KIAA1549: variants seen among roughly 807,000 people sequenced by gnomAD.
The protein encoded by KIAA1549 is UPF0606 protein KIAA1549.
Under a neutral mutation model 156.4 loss-of-function variants are expected in KIAA1549, and 70 were observed. That is an observed-to-expected ratio of 0.45 (90% CI 0.37 to 0.55). The LOEUF (loss-of-function observed/expected upper bound fraction) is 0.55. Among genes scored for constraint, KIAA1549 ranks in the 20% least tolerant of loss-of-function variants. The pLI is 0.00. For synonymous variants in KIAA1549, 1,103 were observed against 1,066.4 expected, an observed-to-expected ratio of 1.03 and a Z score of -0.67; for missense variants, 2,428 against 2,540.9, an observed-to-expected ratio of 0.96 and a Z score of 0.96.
At chr7:138,874,188 G>A (rs113441755) in intron 12 of KIAA1549, among the ~76,000 whole-genome samples, 3,421 of 151,222 alleles carry the variant, frequency 0.023, 128 homozygotes, top group African/African-American at 0.078. Context: ...AAAGCACAAT[G>A]GACACACAGA....
chr7:138,939,570 A>G (rs1266943040), intron 1 of KIAA1549, among the ~76,000 whole-genome samples: 1 of 152,236 alleles, frequency 6.6e-6, no homozygotes, highest in Non-Finnish European at 1.5e-5. Flanking sequence ...ACTGGTAGTT[A>G]GATCAAGAGG....
At chr7:138,966,653 T>C (rs1376793281) in intron 1 of KIAA1549, among the ~76,000 whole-genome samples, 1 of 151,930 alleles carries the variant, frequency 6.6e-6, no homozygotes, top group Non-Finnish European at 1.5e-5. Flanking sequence ...GATTAGATTG[T>C]GCTCACCCAG....
At chr7:138,849,925 T>C (rs1427855609) in intron 17 of KIAA1549, among the ~76,000 whole-genome samples, 2 of 152,222 alleles carry the variant, frequency 1.3e-5, no homozygotes, top group Admixed American at 6.5e-5. Context: ...TAGTATTCCA[T>C]TGTGTATGCG....
At chr7:138,889,593 C>T (rs758314377) in intron 10 of KIAA1549, among the ~76,000 whole-genome samples, 1 of 152,144 alleles carries the variant, frequency 6.6e-6, no homozygotes, top group Non-Finnish European at 1.5e-5. Context: ...ACTGAAGTAC[C>T]AAACTGACTG....
intron 17 of KIAA1549, among the ~76,000 whole-genome samples, chr7:138,844,874 A>ATT (rs111317307): frequency 0.013 from 1,876 of 146,886 alleles, 43 homozygotes; most frequent in African/African-American, 0.041. Flanking sequence ...CACAGCGGTA[A>ATT]TTTTTTTTTT....
intron 15 of KIAA1549, 41 bp downstream of exon 15, chr7:138,867,934 G>A (rs768871090): frequency 2.3e-5 from 37 of 1,603,054 alleles, no homozygotes; most frequent in African/African-American, 4.0e-5. Context: ...TCTAGGAGCC[G>A]CCCCACCCGA....
chr7:138,981,249 T>C lies in KIAA1549; in HGVS notation c.21A>G (p.Arg7=), dbSNP rs1200078886. The change falls in exon 1 of 20, where the codon CGA becomes CGG. Residue 7 remains arginine (R), a synonymous_variant. Coordinates refer to ENST00000422774, the MANE Select transcript of KIAA1549 (RefSeq NM_001164665.2). This position sits in a 1 kb window ranked among gnomAD's most constrained non-coding sequence, Gnocchi z 4.5. MPGARR[R]RRGAAMEGKP... The stretch of plus-strand genomic sequence containing the variant: ...TCCCCTCCATGGCCGCGCCTCGGCG[T>C]CGGCGCCGCGCCCCCGGCATTCCCG... 4.1e-6 allele frequency: 4 copies of C among 981,078 alleles called. No individual in the cohort carries two copies. Among genetic ancestry groups the C allele is most frequent in the Non-Finnish European group, 4.8e-6 (4 of 828,860 alleles). The allele number at this position is 981,078 out of a possible 1,614,324, so 60.8% of individuals were successfully genotyped here. A position where few individuals can be genotyped will look rare whatever the true frequency, so the allele number is the denominator to read the frequency against.
intron 16 of KIAA1549, 134 bp downstream of exon 16, chr7:138,861,005 C>G: frequency 1.2e-6 from 1 of 819,122 alleles, no homozygotes; most frequent in East Asian, 2.6e-5. Flanking sequence ...AAGATAAAAA[C>G]TAAGACCCAT....
intron 11 of KIAA1549, 23 bp downstream of exon 11, chr7:138,881,365 A>G (rs368166312): frequency 6.2e-7 from 1 of 1,602,386 alleles, no homozygotes; most frequent in Admixed American, 1.7e-5. Context: ...AACAAAGAAT[A>G]ATACAGAAAG....
intron 1 of KIAA1549, among the ~76,000 whole-genome samples, chr7:138,942,955 T>A (rs1450744289): frequency 6.7e-6 from 1 of 148,516 alleles, no homozygotes; most frequent in Non-Finnish European, 1.5e-5. Flanking sequence ...AGCAAGAAAA[T>A]TCAAGCAACA....
rs1810859016 is a variant in KIAA1549, at chr7:138,869,529, C to G, written c.4775+9G>C. Reference sequence around the variant, plus strand: ...CCGCCCCACCGCCTAGCGCAGAGCCCCAGCCCACCTCTTCCTGGGCTCTAT... The same window carrying G: ...CCGCCCCACCGCCTAGCGCAGAGCCGCAGCCCACCTCTTCCTGGGCTCTAT... On this transcript the variant is annotated intron_variant, in intron 14 of 19. Transcript: ENST00000422774. 1 of 1,553,850 alleles carries G rather than the reference C, an allele frequency of 6.4e-7. No individual in the cohort carries two copies. Among genetic ancestry groups the G allele is most frequent in the Non-Finnish European group, 8.7e-7 (1 of 1,149,270 alleles).
intron 1 of KIAA1549, among the ~76,000 whole-genome samples, chr7:138,952,723 G>C (rs1813537211): frequency 6.6e-6 from 1 of 152,192 alleles, no homozygotes. Context: ...CTCTGGCTCT[G>C]ATTACTTGTT....
At chr7:138,924,912 G>T (rs756380109) in intron 1 of KIAA1549, among the ~76,000 whole-genome samples, 1 of 152,142 alleles carries the variant, frequency 6.6e-6, no homozygotes, top group Non-Finnish European at 1.5e-5. Flanking sequence ...GGGTGAGACG[G>T]GTGCTTCTCA....
chr7:138,918,284 CA>C lies in KIAA1549; in HGVS notation c.1341del (p.Ala448ProfsTer6). ...LMEKDVGSGD[G>X]AETLCMTVLE... ...AGCACGGTCATGCACAGAGTCTCGG[CA>C]CCATCCCCTGATCCCACGTCTTTCT... On this transcript the variant is annotated frameshift_variant, in exon 2 of 20. Coordinates refer to ENST00000422774, the MANE Select transcript of KIAA1549 (RefSeq NM_001164665.2). LOFTEE classifies it high-confidence loss of function. This position sits in a 1 kb window ranked among gnomAD's most constrained non-coding sequence, Gnocchi z 4.2. The C allele has an allele frequency of 6.2e-7, 1 of 1,614,006 alleles. No homozygotes were observed. The highest frequency in any genetic ancestry group is 8.5e-7 in the Non-Finnish European group (1 of 1,179,898).
intron 18 of KIAA1549, among the ~76,000 whole-genome samples, chr7:138,841,707 T>C (rs1040168049): frequency 6.6e-6 from 1 of 152,128 alleles, no homozygotes; most frequent in African/African-American, 2.4e-5. Context: ...ACTCTAGTTG[T>C]CTAATTAATA....
chr7:138,975,298 A>T (rs1341445867), intron 1 of KIAA1549, among the ~76,000 whole-genome samples: 1 of 152,188 alleles, frequency 6.6e-6, no homozygotes, highest in Non-Finnish European at 1.5e-5. Flanking sequence ...TGGATGCAAG[A>T]GGGAAGAATA....
intron 1 of KIAA1549, among the ~76,000 whole-genome samples, chr7:138,926,285 TTTTTC>T: frequency 6.8e-6 from 1 of 147,784 alleles, no homozygotes; most frequent in East Asian, 1.9e-4. Context: ...TTCCTTTTTC[TTTTTC>T]TTTTTCTTTT....
At chr7:138,898,256 G>A (rs1441580824) in intron 9 of KIAA1549, among the ~76,000 whole-genome samples, 11 of 142,086 alleles carry the variant, frequency 7.7e-5, no homozygotes, top group Admixed American at 1.5e-4. Context: ...GCAGTGAGCC[G>A]AGATCACACC....
intron 1 of KIAA1549, among the ~76,000 whole-genome samples, chr7:138,952,335 A>T (rs1298765381): frequency 6.6e-6 from 1 of 152,234 alleles, no homozygotes; most frequent in Non-Finnish European, 1.5e-5. Flanking sequence ...TTCTGGATCT[A>T]AACAAGATGA....
Sources: gnomAD v4.1 joint callset for allele counts (sites outside exome capture counted in the v4.1 genomes callset) on GRCh38, gnomAD v4.1.1 for gene constraint, Gnocchi (gnomAD v3.1) non-coding constraint, MANE v1.5 for transcripts, NCBI Gene and HGNC (gene_info 2026-07-23, HGNC 2026-07-21) for gene names.